Variants in POLGARF observed in about 807,000 individuals in gnomAD.
POLGARF encodes POLG alternative reading frame.
chr15:89,332,243 C>T, the POLGARF span: 1 of 152,176 alleles, frequency 6.6e-6, no homozygotes, highest in African/African-American at 2.4e-5. Context: ...ATGTTTTCAC[C>T]ATTTTCAACT....
the POLGARF span, chr15:89,333,020 A>C: frequency 6.7e-7 from 1 of 1,487,836 alleles, no homozygotes; most frequent in African/African-American, 1.4e-5. Context: ...ACAGGACCTC[A>C]GAAAATGTTC....
chr15:89,332,614 G>C, the POLGARF span, among the ~76,000 whole-genome samples: 1 of 70,334 alleles, frequency 1.4e-5, no homozygotes, highest in Non-Finnish European at 3.9e-5. Context: ...GCAGGGGGGC[G>C]GGGGGGTGTT....
the POLGARF span, among the ~76,000 whole-genome samples, chr15:89,331,558 T>C: frequency 6.6e-6 from 1 of 152,310 alleles, no homozygotes; most frequent in African/African-American, 2.4e-5. Context: ...CTTAGAAAAA[T>C]GCTGATGGCC....
At chr15:89,332,531 G>A in the POLGARF span, among the ~76,000 whole-genome samples, 1 of 137,994 alleles carries the variant, frequency 7.2e-6, no homozygotes, top group Non-Finnish European at 1.5e-5. Context: ...GGGGAAGGAA[G>A]CAATGTTTCT....
At chr15:89,331,169 C>T in the POLGARF span, among the ~76,000 whole-genome samples, 1 of 152,150 alleles carries the variant, frequency 6.6e-6, no homozygotes, top group Admixed American at 6.5e-5. Flanking sequence ...TCTGCCTCAA[C>T]AGATTCAACA....
the POLGARF span, among the ~76,000 whole-genome samples, chr15:89,332,699 T>C: frequency 1.3e-5 from 2 of 152,028 alleles, no homozygotes; most frequent in Admixed American, 6.5e-5. Context: ...AAAAGGGAGC[T>C]TTCTACCGCC....
chr15:89,332,044 T>C, the POLGARF span, among the ~76,000 whole-genome samples: 1 of 152,218 alleles, frequency 6.6e-6, no homozygotes, highest in African/African-American at 2.4e-5. Flanking sequence ...GTCACTGGTT[T>C]CCTAATTTTC....
chr15:89,331,659 G>T, the POLGARF span, among the ~76,000 whole-genome samples: 3 of 152,176 alleles, frequency 2.0e-5, no homozygotes, highest in East Asian at 5.8e-4. Flanking sequence ...GCTGACTACC[G>T]CTTCTCCTCC....
At chr15:89,333,446 G>T in the POLGARF span, 1 of 1,610,116 alleles carries the variant, frequency 6.2e-7, no homozygotes. Context: ...GGTGCTCGAC[G>T]CTGCGGCGCA....
chr15:89,330,255 C>T, the POLGARF span: 1 of 1,611,968 alleles, frequency 6.2e-7, no homozygotes, highest in Non-Finnish European at 8.5e-7. Flanking sequence ...CTTCCACCAG[C>T]CGCTGGCTGC....
chr15:89,330,519 G>A, the POLGARF span, among the ~76,000 whole-genome samples: 2 of 152,158 alleles, frequency 1.3e-5, no homozygotes, highest in Admixed American at 1.3e-4. Context: ...TGGAACTACT[G>A]GGCTATTAGA....
the POLGARF span, chr15:89,330,365 A>AAT: frequency 9.8e-7 from 1 of 1,022,264 alleles, no homozygotes. Flanking sequence ...GCCACATGCC[A>AAT]GATGGTGCAT....
At chr15:89,333,599 C>CTGA in the POLGARF span, 40 of 1,343,904 alleles carry the variant, frequency 3.0e-5, no homozygotes, top group South Asian at 4.3e-4. Context: ...GCTGCTGTTG[C>CTGA]TGCTGCTGCT....
At chr15:89,332,421 G>C in the POLGARF span, 5 of 152,182 alleles carry the variant, frequency 3.3e-5, no homozygotes, top group African/African-American at 1.2e-4. Flanking sequence ...TGCCATCATT[G>C]TTTGAAAAAG....
chr15:89,331,355 G>C, the POLGARF span, among the ~76,000 whole-genome samples: 2 of 150,738 alleles, frequency 1.3e-5, no homozygotes, highest in African/African-American at 4.9e-5. Flanking sequence ...CAGACAAAAA[G>C]GCTAAAGAAT....
chr15:89,330,917 G>A, the POLGARF span, among the ~76,000 whole-genome samples: 1 of 143,252 alleles, frequency 7.0e-6, no homozygotes, highest in Non-Finnish European at 1.5e-5. Flanking sequence ...GGGTGGGAGG[G>A]ATAGGGGATG....
At chr15:89,330,584 A>G in the POLGARF span, among the ~76,000 whole-genome samples, 1 of 152,214 alleles carries the variant, frequency 6.6e-6, no homozygotes, top group Admixed American at 6.5e-5. Context: ...TGCTAGGCCC[A>G]GCGTTCACTG....
chr15:89,332,608 G>C, the POLGARF span, among the ~76,000 whole-genome samples: 1 of 150,134 alleles, frequency 6.7e-6, no homozygotes, highest in South Asian at 2.2e-4. Flanking sequence ...GCGGGGGCAG[G>C]GGGGCGGGGG....
At chr15:89,332,922 C>G in the POLGARF span, among the ~76,000 whole-genome samples, 2 of 152,218 alleles carry the variant, frequency 1.3e-5, no homozygotes, top group African/African-American at 4.8e-5. Flanking sequence ...TGCCTGTGAT[C>G]TTCCCACCAG....
Sources: allele counts gnomAD v4.1 joint callset (sites outside exome capture counted in the v4.1 genomes callset), GRCh38; gene constraint gnomAD v4.1.1; transcripts MANE v1.5; gene names NCBI Gene and HGNC (gene_info 2026-07-23, HGNC 2026-07-21).